FGL1: variants seen among roughly 807,000 people sequenced by gnomAD.
FGL1 encodes the protein fibrinogen like 1.
In FGL1, 59 loss-of-function variants were observed where a neutral mutation model predicts 43.7. The ratio of observed to expected loss-of-function variants is 1.35; its 90% CI spans 1.10 to 1.68. FGL1 has a LOEUF of 1.68. Among genes scored for constraint, FGL1 ranks in the 40% most tolerant of loss-of-function variants. The pLI is 0.00. For synonymous variants in FGL1, 192 were observed against 126.5 expected (o/e 1.52, Z -3.48); for missense variants, 596 against 373.0 (o/e 1.60, Z -4.92).
At chr8:17,895,525 G>A, upstream of FGL1, 29 of 1,286,904 alleles carry the variant, frequency 2.3e-5, no homozygotes, top group Non-Finnish European at 2.8e-5. Flanking sequence ...TAACTGCATT[G>A]GGAATTTGTA....
At chr8:17,893,119 T>G (rs556862135) in intron 1 of FGL1, among the ~76,000 whole-genome samples, 6 of 152,162 alleles carry the variant, frequency 3.9e-5, no homozygotes, top group Non-Finnish European at 8.8e-5. Flanking sequence ...GAGAATTGCT[T>G]GAACCTGGGA....
intron 5 of FGL1, among the ~76,000 whole-genome samples, chr8:17,873,308 C>T (rs923613959): frequency 6.6e-6 from 1 of 152,074 alleles, no homozygotes; most frequent in Non-Finnish European, 1.5e-5. Context: ...CCTGCCTGTG[C>T]TACAAAAACA....
intron 3 of FGL1, among the ~76,000 whole-genome samples, chr8:17,876,736 C>A (rs941618215): frequency 2.0e-5 from 3 of 152,136 alleles, no homozygotes; most frequent in Admixed American, 1.3e-4. Flanking sequence ...ACTAAAGACT[C>A]ACAAGGATCA....
At chr8:17,879,783 C>A (rs551472120) in intron 3 of FGL1, among the ~76,000 whole-genome samples, 3 of 152,072 alleles carry the variant, frequency 2.0e-5, no homozygotes, top group Admixed American at 2.0e-4. Flanking sequence ...GGTATGAGAA[C>A]GGACTAATAC....
At chr8:17,870,196 C>CA (rs1039582141) in intron 5 of FGL1, among the ~76,000 whole-genome samples, 3 of 151,958 alleles carry the variant, frequency 2.0e-5, no homozygotes, top group East Asian at 1.9e-4. Flanking sequence ...TATATGATGA[C>CA]AAAAAATCTC....
At chr8:17,878,946 T>A (rs945396863) in intron 3 of FGL1, among the ~76,000 whole-genome samples, 17 of 67,858 alleles carry the variant, frequency 2.5e-4, no homozygotes, top group Admixed American at 4.6e-4. Context: ...TTATGTTATA[T>A]ATTTTATTTA....
intron 1 of FGL1, chr8:17,891,740 G>T (rs964390643): frequency 9.7e-5 from 95 of 983,312 alleles, no homozygotes; most frequent in Non-Finnish European, 1.0e-4. Context: ...GTTGCTTATG[G>T]GAGATCAAAT....
intron 7 of FGL1, 49 bp from the exon 8 acceptor site, chr8:17,864,800 T>C (rs752429632): frequency 3.6e-6 from 5 of 1,375,118 alleles, no homozygotes; most frequent in Non-Finnish European, 4.7e-6. Context: ...ACTGGAAAAA[T>C]ATTGTTCAGA....
intron 2 of FGL1, among the ~76,000 whole-genome samples, chr8:17,884,825 TTG>T (rs1005494457): frequency 1.3e-5 from 2 of 152,156 alleles, no homozygotes; most frequent in Admixed American, 6.5e-5. Context: ...AATGAATGTT[TTG>T]TCTTTTTTAT....
At chr8:17,880,086 C>A (rs1392928025) in intron 3 of FGL1, among the ~76,000 whole-genome samples, 1 of 152,126 alleles carries the variant, frequency 6.6e-6, no homozygotes, top group Non-Finnish European at 1.5e-5. Flanking sequence ...CCCATTTTTA[C>A]CCGAACTGTC....
At chr8:17,866,746 A>G (rs9942826) in intron 7 of FGL1, among the ~76,000 whole-genome samples, 10,468 of 152,276 alleles carry the variant, frequency 0.069, 657 homozygotes, top group African/African-American at 0.17. Context: ...TGGATAAAGT[A>G]CATGGTTTTG....
chr8:17,890,468 C>T (rs761159911), intron 1 of FGL1, among the ~76,000 whole-genome samples: 1 of 152,140 alleles, frequency 6.6e-6, no homozygotes, highest in African/African-American at 2.4e-5. Context: ...GGCGATTGCA[C>T]TTGCTGTTCT....
chr8:17,864,794 G>A, intron 7 of FGL1, 43 bp from the exon 8 acceptor site: 5 of 1,391,266 alleles, frequency 3.6e-6, no homozygotes, highest in East Asian at 2.6e-5. Context: ...AATCAGACTG[G>A]AAAAATATTG....
At position 17,872,385 on chromosome 8, in the gene FGL1, C is replaced by A. The variant is rs539282170; in HGVS notation, c.502+1634G>T. On this transcript the variant is annotated intron_variant, in intron 5 of 7. Transcript: ENST00000427924. ...TGGCGCAATCTTGGCTCACTGCAAC[C>A]TCCGCCTCTTGGGTTCAAGCAATTC... Among the ~76,000 whole-genome samples, 6 of 151,364 alleles carry A rather than the reference C, an allele frequency of 4.0e-5. 1 individual carries two copies. The South Asian group carries it at 1.3e-3, about 32-fold the overall frequency.
chr8:17,893,504 T>G (rs1391586126), intron 1 of FGL1, among the ~76,000 whole-genome samples: 3 of 150,684 alleles, frequency 2.0e-5, no homozygotes, highest in Non-Finnish European at 4.4e-5. Context: ...CTAATGAAAT[T>G]TTTTTGACAG....
intron 7 of FGL1, chr8:17,868,335 T>C (rs184218495): frequency 5.4e-5 from 20 of 367,608 alleles, no homozygotes; most frequent in Non-Finnish European, 8.5e-5. Context: ...AAAGTAATAA[T>C]TTATTTCTAT....
chr8:17,868,800 AT>A, intron 6 of FGL1, 65 bp from the exon 7 acceptor site: 1 of 1,513,692 alleles, frequency 6.6e-7, no homozygotes, highest in East Asian at 2.3e-5. Context: ...AATTAAGTTT[AT>A]TTCATAAACA....
chr8:17,881,943 T>C, intron 3 of FGL1, 56 bp downstream of exon 3: 1 of 1,431,344 alleles, frequency 7.0e-7, no homozygotes, highest in Non-Finnish European at 9.7e-7. Context: ...GCACCATCAC[T>C]GTACATGGGT....
rs139597330 is a variant in FGL1 at position 17,864,653 on chromosome 8, T to C, written c.878A>G (p.Tyr293Cys). The change falls in exon 8 of 8, where the codon TAT (tyrosine) becomes TGT (cysteine). Residue 293 changes from tyrosine to cysteine, a missense_variant. Transcript: ENST00000427924. ...TTTCATAACCACAGATTTCAGAGAATACCACCACCCATGCCAGGTGTACCA... is the reference window on the plus strand; with the variant it reads ...TTTCATAACCACAGATTTCAGAGAACACCACCACCCATGCCAGGTGTACCA... Reference protein sequence around the residue: ...IVWYTWHGWWYSLKSVVMKIR... With the variant: ...IVWYTWHGWWCSLKSVVMKIR... The C allele has an allele frequency of 1.5e-4, 238 of 1,613,754 alleles. No individual in the cohort carries two copies. In the African/African-American group the frequency reaches 2.8e-3, roughly 19 times the overall value.
Sources: gnomAD v4.1 joint callset for allele counts (sites outside exome capture counted in the v4.1 genomes callset) on GRCh38, gnomAD v4.1.1 for gene constraint, MANE v1.5 for transcripts, NCBI Gene and HGNC (gene_info 2026-07-23, HGNC 2026-07-21) for gene names.